The following PIGN variants were observed in gnomAD, a reference collection of about 807,000 sequenced individuals.
PIGN encodes the protein phosphatidylinositol glycan anchor biosynthesis class N, also known as GPI ethanolamine phosphate transferase 1.
Under a neutral mutation model 125.4 loss-of-function variants are expected in PIGN, and 117 were observed. The ratio of observed to expected loss-of-function variants is 0.93; its 90% CI spans 0.80 to 1.09. PIGN has a LOEUF of 1.09. PIGN is among the 50% of genes least tolerant of loss of function. PIGN has a pLI of 0.00. For synonymous variants in PIGN, 392 were observed against 377.8 expected (o/e 1.04, Z -0.44); for missense variants, 1,075 against 1,094.9 (o/e 0.98, Z 0.26).
At chr18:62,106,403 C>T (rs917476703) in intron 19 of PIGN, among the ~76,000 whole-genome samples, 3 of 151,466 alleles carry the variant, frequency 2.0e-5, no homozygotes, top group Admixed American at 2.0e-4. Flanking sequence ...CTGAGTGGCT[C>T]AGGGTAACGA....
Position 62,168,357 on chromosome 18 carries a change from C to A in PIGN, c.-235-4701G>T, listed in dbSNP as rs117141735. On this transcript the variant is annotated intron_variant, in intron 1 of 30. Coordinates refer to ENST00000640252, the MANE Select transcript of PIGN (RefSeq NM_176787.5). ...CAAAGTTACGAGAATGGTACAGACA[C>A]CTGTATACCCCTTAGCATATTCACC... 1.6e-3 allele frequency among the ~76,000 whole-genome samples: 239 copies of A among 152,236 alleles called. 1 individual carries two copies. Among genetic ancestry groups the A allele is most frequent in the Middle Eastern group, 6.8e-3 (2 of 294 alleles).
chr18:62,136,275 C>T (rs2035929108), intron 14 of PIGN: 1 of 152,080 alleles, frequency 6.6e-6, no homozygotes, highest in Non-Finnish European at 1.5e-5. Flanking sequence ...TTTTTACTCT[C>T]CTATACACAT....
intron 28 of PIGN, among the ~76,000 whole-genome samples, chr18:62,080,621 G>C (rs534409210): frequency 2.6e-4 from 39 of 152,244 alleles, no homozygotes; most frequent in Non-Finnish European, 5.0e-4. Context: ...CCTTGTTCCT[G>C]TCTGGATGGC....
At chr18:62,070,130 T>C (rs1176553563) in intron 30 of PIGN, 1 of 316,362 alleles carries the variant, frequency 3.2e-6, no homozygotes, top group African/African-American at 2.1e-5. Context: ...AATTAATTCA[T>C]TCAAAATGAC....
chr18:62,180,684 G>A (rs150027087), intron 1 of PIGN, among the ~76,000 whole-genome samples: 12 of 152,194 alleles, frequency 7.9e-5, no homozygotes, highest in Non-Finnish European at 1.8e-4. Flanking sequence ...GATAGGATTA[G>A]GGTTATTGAC....
Position 62,145,443 on chromosome 18 carries a change from G to C in PIGN, c.922+466C>G, listed in dbSNP as rs1051377019. On this transcript the variant is annotated intron_variant, in intron 10 of 30. Coordinates refer to ENST00000640252, the MANE Select transcript of PIGN (RefSeq NM_176787.5). The stretch of plus-strand genomic sequence containing the variant: ...CTCTTCTGTCTTCATTAGGGCCTGG[G>C]GTTGAAATAGCTCAGTACTACCTCT... Among the ~76,000 whole-genome samples, 3 of 152,056 alleles carry C rather than the reference G, an allele frequency of 2.0e-5. No individual in the cohort carries two copies. In the South Asian group the frequency reaches 6.2e-4, roughly 32 times the overall value.
intron 1 of PIGN, chr18:62,184,740 C>A (rs764395895): frequency 6.6e-6 from 1 of 152,160 alleles, no homozygotes; most frequent in Non-Finnish European, 1.5e-5. Flanking sequence ...TCCCTTCAGC[C>A]CTACTGACTT....
In PIGN at chr18:62,083,280, A is replaced by G. The variant is rs968623224; in HGVS notation, c.2503-534T>C. On this transcript the variant is annotated intron_variant, in intron 27 of 30. Transcript: ENST00000640252. ...ACAAATATGAAAAAATTTATAAAACATTTGAAATAAAGCTATAGTAAAATT... is the reference window on the plus strand; with the variant it reads ...ACAAATATGAAAAAATTTATAAAACGTTTGAAATAAAGCTATAGTAAAATT... Among the ~76,000 whole-genome samples the G allele has an allele frequency of 2.6e-5, 4 of 152,154 alleles. No individual in the cohort carries two copies. The South Asian group carries it at 8.3e-4, about 31-fold the overall frequency.
intron 14 of PIGN, among the ~76,000 whole-genome samples, chr18:62,121,677 T>A (rs532251474): frequency 6.6e-6 from 1 of 152,134 alleles, no homozygotes; most frequent in African/African-American, 2.4e-5. Context: ...GTTCCACTCA[T>A]GTTGCTGCCA....
intron 23 of PIGN, among the ~76,000 whole-genome samples, chr18:62,029,491 C>T (rs1023841544): frequency 1.3e-5 from 2 of 152,152 alleles, no homozygotes; most frequent in Non-Finnish European, 2.9e-5. Flanking sequence ...CATTAAACTT[C>T]TTTTCTTTCT....
chr18:62,125,860 A>T (rs1352199052), intron 14 of PIGN, among the ~76,000 whole-genome samples: 3 of 152,120 alleles, frequency 2.0e-5, no homozygotes, highest in Non-Finnish European at 2.9e-5. Flanking sequence ...TAAAATACGA[A>T]TGAAAAACAC....
At chr18:62,033,793 G>A (rs1219700587) in intron 23 of PIGN, among the ~76,000 whole-genome samples, 12 of 152,176 alleles carry the variant, frequency 7.9e-5, no homozygotes, top group Admixed American at 7.9e-4. Context: ...CTTTAAGTAT[G>A]CAGTGCACTA....
At chr18:62,114,789 T>C in intron 14 of PIGN, 150 bp from the exon 15 acceptor site, 1 of 472,588 alleles carries the variant, frequency 2.1e-6, no homozygotes. Flanking sequence ...TTGCTGTTTG[T>C]TCTCTGAAGT....
intron 23 of PIGN, among the ~76,000 whole-genome samples, chr18:62,020,297 C>T (rs944291025): frequency 1.3e-5 from 2 of 152,132 alleles, no homozygotes; most frequent in African/African-American, 4.8e-5. Flanking sequence ...AACGAACTGC[C>T]GGGCAGCACA....
chr18:62,165,413 A>G (rs1415448679), intron 1 of PIGN, among the ~76,000 whole-genome samples: 1 of 152,240 alleles, frequency 6.6e-6, no homozygotes, highest in East Asian at 1.9e-4. Flanking sequence ...TGGGGCTTCA[A>G]TAAAAGGATA....
In PIGN at chr18:62,085,072, C is replaced by T. The variant is rs925628411; in HGVS notation, c.2426+137G>A. On this transcript the variant is annotated intron_variant, in intron 26 of 30. Coordinates refer to ENST00000640252, the MANE Select transcript of PIGN (RefSeq NM_176787.5). The stretch of plus-strand genomic sequence containing the variant: ...GCAATGAGCCGAGATCACACCACTG[C>T]CCTCCAGTCTAGGCAACAGAGTGAG... 7 of 599,660 alleles carry T rather than the reference C, an allele frequency of 1.2e-5. No individual in the cohort carries two copies. In the East Asian group the frequency reaches 1.5e-4, roughly 13 times the overall value. 37.1% of individuals were successfully genotyped at this position (599,660 alleles called of 1,614,324 possible).
At chr18:62,138,871 A>C (rs1032373217) in intron 13 of PIGN, 112 bp downstream of exon 13, 3 of 603,378 alleles carry the variant, frequency 5.0e-6, no homozygotes, top group Non-Finnish European at 8.6e-6. Flanking sequence ...TTTAAAGGTA[A>C]ATTACAGGGA....
intron 14 of PIGN, chr18:62,137,050 C>A: frequency 2.5e-6 from 1 of 398,602 alleles, no homozygotes; most frequent in South Asian, 1.3e-4. Context: ...ACCTTTGAGT[C>A]AGTGGAGTGG....
At position 62,041,929 on chromosome 18, in the gene PIGN, T is replaced by C. The variant is rs2030397093; in HGVS notation, c.*3927A>G. Reference sequence around the variant, plus strand: ...TTTGGCATAATGCTATCTTCCTCCCTTCACAACGTACATCACAAGTTAAAT... The same window carrying C: ...TTTGGCATAATGCTATCTTCCTCCCCTCACAACGTACATCACAAGTTAAAT... On this transcript the variant is annotated 3_prime_UTR_variant, in exon 31 of 31. Coordinates refer to ENST00000640252, the MANE Select transcript of PIGN (RefSeq NM_176787.5). 6.6e-6 allele frequency: 1 copy of C among 152,192 alleles called. No individual in the cohort carries two copies. The allele number at this position is 152,192 out of a possible 1,614,324, so 9.4% of individuals were successfully genotyped here. A position where few individuals can be genotyped will look rare whatever the true frequency, so the allele number is the denominator to read the frequency against.
Sources: gnomAD v4.1 joint callset for allele counts (sites outside exome capture counted in the v4.1 genomes callset) on GRCh38, gnomAD v4.1.1 for gene constraint, MANE v1.5 for transcripts, NCBI Gene and HGNC (gene_info 2026-07-23, HGNC 2026-07-21) for gene names.